BASP1: variants seen among roughly 807,000 people sequenced by gnomAD.
The protein encoded by BASP1 is brain abundant membrane attached signal protein 1.
A neutral mutation model predicts 2.2 loss-of-function variants in BASP1; 1 was observed. The ratio of observed to expected loss-of-function variants is 0.46; its 90% CI spans 0.16 to 2.17. The LOEUF is 2.17. BASP1 is among the 30% of genes most tolerant of loss of function. The pLI, the probability that BASP1 is intolerant of heterozygous loss-of-function variation, is 0.27. For missense variants in BASP1, 352 were observed against 327.2 expected (o/e 1.08, Z -0.58); for synonymous variants, 187 against 154.2 (o/e 1.21, Z -1.58).
chr5:17,275,479 A>G lies in BASP1; in HGVS notation c.263A>G (p.Glu88Gly), dbSNP rs1740624879. 1 of 1,490,342 alleles carries G rather than the reference A, an allele frequency of 6.7e-7. No homozygotes were observed. Among genetic ancestry groups the G allele is most frequent in the Non-Finnish European group, 8.9e-7 (1 of 1,122,316 alleles). 92.3% of individuals were successfully genotyped at this position (1,490,342 alleles called of 1,614,324 possible). Reference sequence around the variant, plus strand: ...GAGGAGGCCCCGAAGGCGGAGCCCGAGAAGACGGAGGGCGCGGCAGAGGCC... The same window carrying G: ...GAGGAGGCCCCGAAGGCGGAGCCCGGGAAGACGGAGGGCGCGGCAGAGGCC... ...AKEEAPKAEP[E>G]KTEGAAEAKA... Residue 88 changes from glutamate (E) to glycine (G), a missense_variant, in exon 2 of 2, where the codon GAG becomes GGG. By Grantham distance (98) the Glu-to-Gly change is moderately conservative. Coordinates refer to ENST00000322611, the MANE Select transcript of BASP1 (RefSeq NM_006317.5). This position sits in a 1 kb window ranked among gnomAD's most constrained non-coding sequence, Gnocchi z 5.3.
chr5:17,249,223 C>T (rs189964856), intron 1 of BASP1, among the ~76,000 whole-genome samples: 1 of 152,186 alleles, frequency 6.6e-6, no homozygotes, highest in Admixed American at 6.5e-5. Context: ...TGATGGTGGG[C>T]CTGTCCTGTG....
rs752080253 is a variant in BASP1, at chr5:17,275,825, A to C, written c.609A>C (p.Ala203=). ...CCACACCCAAGGCCCAGGGCCCCGC[A>C]GCCTCTGCAGAAGAGCCCAAGCCGG... ...PSSTPKAQGP[A]ASAEEPKPVE... is the part of the protein sequence containing the mutation. Residue 203 remains alanine, a synonymous_variant, in exon 2 of 2, where the codon GCA becomes GCC. Transcript: ENST00000322611. This position sits in a 1 kb window ranked among gnomAD's most constrained non-coding sequence, Gnocchi z 5.3. The C allele has an allele frequency of 1.2e-6, 2 of 1,611,906 alleles. No homozygotes were observed. Among genetic ancestry groups the C allele is most frequent in the South Asian group, 2.2e-5 (2 of 90,896 alleles).
chr5:17,238,215 A>T (rs1739787501), intron 1 of BASP1, among the ~76,000 whole-genome samples: 5 of 151,616 alleles, frequency 3.3e-5, no homozygotes, highest in Admixed American at 3.3e-4. Flanking sequence ...TTCCAGATTC[A>T]TTTGGTTGTC....
chr5:17,240,196 T>G (rs575897596), intron 1 of BASP1, among the ~76,000 whole-genome samples: 17 of 152,146 alleles, frequency 1.1e-4, no homozygotes, highest in South Asian at 8.3e-4. Flanking sequence ...AGTTTGAAGC[T>G]GGGGTGAGCC....
At chr5:17,272,696 G>A (rs971983841) in intron 1 of BASP1, among the ~76,000 whole-genome samples, 5 of 152,106 alleles carry the variant, frequency 3.3e-5, no homozygotes, top group East Asian at 1.9e-4. Flanking sequence ...TGCCAGGGGC[G>A]TTTGTTAACT....
intron 1 of BASP1, among the ~76,000 whole-genome samples, chr5:17,231,485 C>G (rs766879610): frequency 1.3e-5 from 2 of 152,188 alleles, no homozygotes; most frequent in Non-Finnish European, 2.9e-5. Context: ...CACCGGCTCT[C>G]AGCATGTTCA....
chr5:17,262,090 T>C (rs1740325790), intron 1 of BASP1, among the ~76,000 whole-genome samples: 1 of 152,208 alleles, frequency 6.6e-6, no homozygotes, highest in Non-Finnish European at 1.5e-5. Context: ...CATCATCTTT[T>C]CCTTTCTAAC....
rs1350827055 is a variant in BASP1 at position 17,275,417 on chromosome 5, G to GGAGAAGGAGGGC, written c.210_221dup (p.Glu70_Lys73dup). On this transcript the variant is annotated inframe_insertion, in exon 2 of 2. Transcript: ENST00000322611. This position sits in a 1 kb window ranked among gnomAD's most constrained non-coding sequence, Gnocchi z 5.3. ...ACCAGGACGCCGAGGGCAAGGCCGA[G>GGAGAAGGAGGGC]GAGAAGGAGGGCGAGAAGGACGCGG... 16 of 1,552,286 alleles carry GGAGAAGGAGGGC rather than the reference G, an allele frequency of 1.0e-5. No individual in the cohort carries two copies. Among genetic ancestry groups the GGAGAAGGAGGGC allele is most frequent in the South Asian group, 1.2e-5 (1 of 84,948 alleles).
At chr5:17,261,492 A>G (rs373856599) in intron 1 of BASP1, among the ~76,000 whole-genome samples, 14 of 152,210 alleles carry the variant, frequency 9.2e-5, no homozygotes, top group Admixed American at 5.2e-4. Flanking sequence ...TCTAACGTTT[A>G]CTATGTGGAG....
rs1472316721 is a variant in BASP1 at position 17,275,755 on chromosome 5, C to T, written c.539C>T (p.Ala180Val). ...TCAAAACCCGGCAGCTCGGAGGCTG[C>T]CCCCTCTTCCAAGGAGACCCCCGCA... ...SDSKPGSSEA[A>V]PSSKETPAAT... The change falls in exon 2 of 2, where the codon GCC (alanine) becomes GTC (valine). Residue 180 changes from alanine (A) to valine (V), a missense_variant. By Grantham distance (64) the Ala-to-Val change is moderately conservative (BLOSUM62 0). Coordinates refer to ENST00000322611, the MANE Select transcript of BASP1 (RefSeq NM_006317.5). This position sits in a 1 kb window ranked among gnomAD's most constrained non-coding sequence, Gnocchi z 5.3. 24 of 1,612,002 alleles carry T rather than the reference C, an allele frequency of 1.5e-5. No homozygotes were observed. Among genetic ancestry groups the T allele is most frequent in the Non-Finnish European group, 2.0e-5 (24 of 1,179,422 alleles).
In BASP1 at chr5:17,260,712, T is replaced by C. The variant is rs574105503; in HGVS notation, c.-9-14496T>C. ...TCCCGTCTGTAGTGAGTCTGTGATG[T>C]TTATCTAGTACCCATTGTGCACGAA... On this transcript the variant is annotated intron_variant, in intron 1 of 1. Transcript: ENST00000322611. The surrounding 1 kb of genome is among the most constrained non-coding windows in gnomAD (Gnocchi z 4.2). Among the ~76,000 whole-genome samples the C allele has an allele frequency of 6.6e-6, 1 of 152,360 alleles. No individual in the cohort carries two copies. The highest frequency in any genetic ancestry group is 2.4e-5 in the African/African-American group (1 of 41,588).
At chr5:17,219,383 T>C (rs1476421016) in intron 1 of BASP1, among the ~76,000 whole-genome samples, 6 of 152,216 alleles carry the variant, frequency 3.9e-5, no homozygotes, top group Non-Finnish European at 8.8e-5. Context: ...TTTCTTCTTT[T>C]CCAGGCTGTC....
chr5:17,275,553 C>A lies in BASP1; in HGVS notation c.337C>A (p.Pro113Thr), dbSNP rs1316918535. Reference sequence around the variant, plus strand: ...CGAGCAGGAGCAGGCGGCCCCCGGCCCCGCTGCGGGCGGCGAGGCCCCCAA... The same window carrying A: ...CGAGCAGGAGCAGGCGGCCCCCGGCACCGCTGCGGGCGGCGAGGCCCCCAA... ...APEQEQAAPG[P>T]AAGGEAPKAA... Residue 113 changes from proline to threonine, a missense_variant, in exon 2 of 2, where the codon CCC becomes ACC. Coordinates refer to ENST00000322611, the MANE Select transcript of BASP1 (RefSeq NM_006317.5). The surrounding 1 kb of genome is among the most constrained non-coding windows in gnomAD (Gnocchi z 5.3). 1 of 1,397,742 alleles carries A rather than the reference C, an allele frequency of 7.2e-7. No individual in the cohort carries two copies. The highest frequency in any genetic ancestry group is 1.6e-5 in the South Asian group (1 of 61,238). The allele number at this position is 1,397,742 out of a possible 1,614,324, so 86.6% of individuals were successfully genotyped here.
At chr5:17,229,793 T>G (rs1739591529) in intron 1 of BASP1, among the ~76,000 whole-genome samples, 1 of 151,460 alleles carries the variant, frequency 6.6e-6, no homozygotes, top group African/African-American at 2.4e-5. Flanking sequence ...GGTTTTTTTT[T>G]TTTTTTTTTT....
chr5:17,261,005 C>T (rs1740301602), intron 1 of BASP1, among the ~76,000 whole-genome samples: 1 of 152,090 alleles, frequency 6.6e-6, no homozygotes, highest in Non-Finnish European at 1.5e-5. Flanking sequence ...TATAGTGAGA[C>T]TCCCATCTCT....
intron 1 of BASP1, among the ~76,000 whole-genome samples, chr5:17,250,352 T>A (rs1330423590): frequency 6.6e-6 from 1 of 152,220 alleles, no homozygotes; most frequent in Non-Finnish European, 1.5e-5. Context: ...ACTTGTCTAT[T>A]CTTTTCTGAA....
intron 1 of BASP1, among the ~76,000 whole-genome samples, chr5:17,243,641 A>G (rs954696713): frequency 6.6e-6 from 1 of 152,144 alleles, no homozygotes; most frequent in Admixed American, 6.5e-5. Flanking sequence ...AGCATTCACA[A>G]CACATGGTCA....
In BASP1 at chr5:17,251,047, TAAATTCCAGAAATGGG is replaced by T. The variant is rs926503330; in HGVS notation, c.-9-24160_-9-24145del. ...GAGAAAAGGTTAACTCTTCATATGTTAAATTCCAGAAATGGGTTCTAGGGCTGATCTGGTAGTTGAG... is the reference window on the plus strand; with the variant it reads ...GAGAAAAGGTTAACTCTTCATATGTTTTCTAGGGCTGATCTGGTAGTTGAG... On this transcript the variant is annotated intron_variant, in intron 1 of 1. Transcript: ENST00000322611. This position sits in a 1 kb window ranked among gnomAD's most constrained non-coding sequence, Gnocchi z 4.0. Among the ~76,000 whole-genome samples the T allele has an allele frequency of 1.3e-5, 2 of 152,238 alleles. No homozygotes were observed. Among genetic ancestry groups the T allele is most frequent in the African/African-American group, 4.8e-5 (2 of 41,472 alleles).
At chr5:17,265,229 A>T (rs1167922698) in intron 1 of BASP1, among the ~76,000 whole-genome samples, 5 of 152,202 alleles carry the variant, frequency 3.3e-5, no homozygotes, top group Non-Finnish European at 2.9e-5. Flanking sequence ...GAAATTGTGC[A>T]TTGTGCAAGG....
Sources: allele counts gnomAD v4.1 joint callset (sites outside exome capture counted in the v4.1 genomes callset), GRCh38; gene constraint gnomAD v4.1.1; non-coding constraint Gnocchi (gnomAD v3.1); transcripts MANE v1.5; gene names NCBI Gene and HGNC (gene_info 2026-07-23, HGNC 2026-07-21).